Variants in DLG2 observed in about 807,000 individuals in gnomAD.
The protein encoded by DLG2 is discs large MAGUK scaffold protein 2.
Under a neutral mutation model 132.5 loss-of-function variants are expected in DLG2, and 45 were observed. The ratio of observed to expected loss-of-function variants is 0.34; its 90% confidence interval spans 0.27 to 0.44. The LOEUF (loss-of-function observed/expected upper bound fraction) is 0.44. Among genes scored for constraint, DLG2 ranks in the 20% least tolerant of loss-of-function variants. The pLI, the probability that DLG2 is intolerant of heterozygous loss-of-function variation, is 1.00. For missense variants in DLG2, 1,045 were observed against 1,196.9 expected (o/e 0.87, Z 1.87); for synonymous variants, 424 against 419.6 (o/e 1.01, Z -0.13).
intron 19 of DLG2, among the ~76,000 whole-genome samples, chr11:83,547,084 T>C (rs7113167): frequency 0.43 from 66,057 of 151,916 alleles, 14,501 homozygotes; most frequent in Middle Eastern, 0.53. Flanking sequence ...TGAGGTAATA[T>C]TTAACAATCA....
At chr11:84,058,103 T>G (rs1231300947) in intron 11 of DLG2, among the ~76,000 whole-genome samples, 1 of 151,944 alleles carries the variant, frequency 6.6e-6, no homozygotes, top group East Asian at 1.9e-4. Context: ...TCCTGAGATC[T>G]TAAATACCAC....
chr11:84,799,884 T>C (rs756658199), intron 6 of DLG2, among the ~76,000 whole-genome samples: 5 of 152,166 alleles, frequency 3.3e-5, no homozygotes, highest in African/African-American at 4.8e-5. Flanking sequence ...CAGTAATAAA[T>C]AATGTCCTGG....
intron 6 of DLG2, among the ~76,000 whole-genome samples, chr11:84,799,986 A>G (rs1257200846): frequency 1.3e-5 from 2 of 152,220 alleles, no homozygotes; most frequent in Admixed American, 6.5e-5. Context: ...GATTCTCAAA[A>G]TACCTCTATA....
At position 85,615,979 on chromosome 11, in the gene DLG2, T is replaced by G. The variant is rs77132537; in HGVS notation, c.-93+10608A>C. 9.2e-5 allele frequency among the ~76,000 whole-genome samples: 14 copies of G among 152,042 alleles called. No individual in the cohort carries two copies. In the South Asian group the frequency reaches 2.7e-3, roughly 29 times the overall value. On this transcript the variant is annotated intron_variant, in intron 2 of 27. Coordinates refer to ENST00000376104, the MANE Select transcript of DLG2 (RefSeq NM_001142699.3). ...CAGTTTCTTATCTACAAAATAATTTTTATATGGTCTAGGTCTCTTGATTTG... is the reference window on the plus strand; with the variant it reads ...CAGTTTCTTATCTACAAAATAATTTGTATATGGTCTAGGTCTCTTGATTTG...
intron 6 of DLG2, among the ~76,000 whole-genome samples, chr11:84,714,585 CTCTTTCTCTTTCTTTCTCTTTCTCTT>C (rs1565748935): frequency 3.8e-5 from 5 of 131,734 alleles, no homozygotes; most frequent in African/African-American, 1.7e-4. Flanking sequence ...CTTTCTCTTT[CTCTTTCTCTTTCTTTCTCTTTCTCTT>C]TCTCTTTCTC....
At chr11:85,023,704 T>G (rs2060275133) in intron 6 of DLG2, among the ~76,000 whole-genome samples, 1 of 152,116 alleles carries the variant, frequency 6.6e-6, no homozygotes, top group Non-Finnish European at 1.5e-5. Flanking sequence ...TCTCGATAAC[T>G]ATTCTAAATA....
At chr11:85,153,341 G>C (rs970486405) in intron 5 of DLG2, among the ~76,000 whole-genome samples, 1 of 152,046 alleles carries the variant, frequency 6.6e-6, no homozygotes, top group African/African-American at 2.4e-5. Flanking sequence ...TCCCATAATT[G>C]AATTAGTCAA....
In DLG2 at chr11:85,285,308, T is replaced by C. The variant is rs745734789; in HGVS notation, c.98A>G (p.Lys33Arg). The C allele has an allele frequency of 3.1e-6, 5 of 1,612,108 alleles. No individual in the cohort carries two copies. In the East Asian group the frequency reaches 1.1e-4, roughly 36 times the overall value. The change falls in exon 4 of 28, where the codon AAG becomes AGG. Residue 33 changes from lysine (K) to arginine (R), a missense_variant. Transcript: ENST00000376104. ...TAAAACTTGATTGGCTTCTTCTATC[T>C]TCTGCTCACAACTTTTTTGAGAATT... Reference protein sequence around the residue: ...LLNSQKSCEQKIEEANQVLQK... With the variant: ...LLNSQKSCEQRIEEANQVLQK...
intron 6 of DLG2, among the ~76,000 whole-genome samples, chr11:85,093,265 G>A (rs1477827734): frequency 1.3e-5 from 2 of 152,014 alleles, no homozygotes; most frequent in South Asian, 4.2e-4. Context: ...TGTGTCAAGG[G>A]GCAGAAGTCA....
chr11:84,739,436 A>G (rs2153821164), intron 6 of DLG2, among the ~76,000 whole-genome samples: 1 of 152,314 alleles, frequency 6.6e-6, no homozygotes, highest in East Asian at 1.9e-4. Flanking sequence ...TTCTAGAACT[A>G]GAAAATATTT....
At chr11:85,561,882 G>A (rs575909102) in intron 3 of DLG2, among the ~76,000 whole-genome samples, 5 of 151,696 alleles carry the variant, frequency 3.3e-5, no homozygotes, top group African/African-American at 1.2e-4. Flanking sequence ...ATTTAAAATC[G>A]CATTTAATCC....
intron 6 of DLG2, among the ~76,000 whole-genome samples, chr11:85,017,814 T>G (rs984009033): frequency 1.3e-5 from 2 of 152,148 alleles, no homozygotes; most frequent in Non-Finnish European, 2.9e-5. Flanking sequence ...CAATTACCCT[T>G]CCTTCTCTCT....
intron 6 of DLG2, among the ~76,000 whole-genome samples, chr11:84,729,703 T>C (rs958661397): frequency 1.4e-4 from 22 of 152,168 alleles, no homozygotes; most frequent in African/African-American, 5.3e-4. Context: ...TTGCATGACC[T>C]TGACTTGAAA....
intron 6 of DLG2, among the ~76,000 whole-genome samples, chr11:84,994,265 A>T (rs1301297364): frequency 1.3e-5 from 2 of 152,150 alleles, no homozygotes; most frequent in Non-Finnish European, 2.9e-5. Context: ...TCATGTAGCC[A>T]CTATTTTAAA....
At chr11:83,645,077 G>A (rs7117791) in intron 18 of DLG2, among the ~76,000 whole-genome samples, 7,568 of 152,172 alleles carry the variant, frequency 0.05, 655 homozygotes, top group African/African-American at 0.17. Flanking sequence ...TGAAGAAGAT[G>A]GGAATGGAGA....
intron 3 of DLG2, among the ~76,000 whole-genome samples, chr11:85,291,949 G>A (rs148349707): frequency 2.6e-5 from 4 of 152,184 alleles, no homozygotes; most frequent in South Asian, 2.1e-4. Context: ...TATGCCTTAC[G>A]CTTCCTCCAA....
intron 9 of DLG2, among the ~76,000 whole-genome samples, chr11:84,143,117 G>A (rs1053642897): frequency 3.9e-5 from 6 of 152,146 alleles, no homozygotes; most frequent in Non-Finnish European, 8.8e-5. Flanking sequence ...TCAACGTTGA[G>A]CATCTACCTT....
intron 3 of DLG2, among the ~76,000 whole-genome samples, chr11:85,397,577 G>A (rs2087535697): frequency 6.6e-6 from 1 of 152,154 alleles, no homozygotes; most frequent in Non-Finnish European, 1.5e-5. Context: ...TAAAGGGATG[G>A]AGGAAGATAT....
chr11:85,368,313 T>C (rs1403590859), intron 3 of DLG2, among the ~76,000 whole-genome samples: 2 of 152,210 alleles, frequency 1.3e-5, no homozygotes, highest in Non-Finnish European at 2.9e-5. Flanking sequence ...TACAGCTGCT[T>C]TAAGAAGACA....
Sources: allele counts gnomAD v4.1 joint callset (sites outside exome capture counted in the v4.1 genomes callset), GRCh38; gene constraint gnomAD v4.1.1; transcripts MANE v1.5; gene names NCBI Gene and HGNC (gene_info 2026-07-23, HGNC 2026-07-21).